The following SLCO3A1 variants were observed in gnomAD, a reference collection of about 807,000 sequenced individuals.
The protein encoded by SLCO3A1 is PGE1 transporter.
A neutral mutation model predicts 63.1 loss-of-function variants in SLCO3A1; 27 were observed. The observed-to-expected ratio is 0.43, with a 90% CI of 0.32 to 0.59. The LOEUF (loss-of-function observed/expected upper bound fraction) is 0.59. SLCO3A1 is among the 20% of genes least tolerant of loss of function. The pLI, the probability that SLCO3A1 is intolerant of heterozygous loss-of-function variation, is 0.09. For missense variants in SLCO3A1, 773 were observed against 945.8 expected, an observed-to-expected ratio of 0.82 and a Z score of 2.40; for synonymous variants, 473 against 409.9, an observed-to-expected ratio of 1.15 and a Z score of -1.86.
intron 2 of SLCO3A1, among the ~76,000 whole-genome samples, chr15:91,961,937 C>T (rs1359701035): frequency 1.3e-5 from 2 of 152,186 alleles, no homozygotes; most frequent in East Asian, 3.8e-4. Flanking sequence ...AACCCTGGGA[C>T]AGAGGTATTA....
chr15:92,128,310 G>T, intron 6 of SLCO3A1, 41 bp from the exon 7 acceptor site: 2 of 1,613,004 alleles, frequency 1.2e-6, no homozygotes, highest in South Asian at 2.2e-5. Flanking sequence ...ATTCCGAATT[G>T]ACCTGTTTCT....
At chr15:92,110,263 T>C (rs2047713043) in intron 4 of SLCO3A1, among the ~76,000 whole-genome samples, 1 of 152,174 alleles carries the variant, frequency 6.6e-6, no homozygotes, top group African/African-American at 2.4e-5. Context: ...CTGCCCTTGA[T>C]CTCTGTTGAT....
chr15:91,910,479 C>G (rs1296942987), intron 1 of SLCO3A1, among the ~76,000 whole-genome samples: 1 of 152,228 alleles, frequency 6.6e-6, no homozygotes, highest in Non-Finnish European at 1.5e-5. Context: ...AGTGAAGTCA[C>G]AGAGCATGCA....
chr15:91,896,212 C>T (rs1019839776), intron 1 of SLCO3A1, among the ~76,000 whole-genome samples: 1 of 152,164 alleles, frequency 6.6e-6, no homozygotes, highest in Non-Finnish European at 1.5e-5. Context: ...GGAAGAAATG[C>T]TCCCGGCATA....
chr15:91,893,280 G>A (rs1897917372), intron 1 of SLCO3A1, among the ~76,000 whole-genome samples: 1 of 152,320 alleles, frequency 6.6e-6, no homozygotes, highest in Middle Eastern at 3.4e-3. Context: ...GTTCCAGTGG[G>A]CTCAGAGGTT....
rs2048481368 is a variant in SLCO3A1 at position 92,164,967 on chromosome 15, G to GA, written c.*1832_*1833insA. The GA allele has an allele frequency of 1.0e-5, 10 of 984,878 alleles. No individual in the cohort carries two copies. Among genetic ancestry groups the GA allele is most frequent in the Non-Finnish European group, 1.1e-5 (9 of 829,806 alleles). 61.0% of individuals were successfully genotyped at this position (984,878 alleles called of 1,614,324 possible). A position where few individuals can be genotyped will look rare whatever the true frequency, so the allele number is the denominator to read the frequency against. On this transcript the variant is annotated 3_prime_UTR_variant, in exon 10 of 10. Coordinates refer to ENST00000318445, the MANE Select transcript of SLCO3A1 (RefSeq NM_013272.4). ...CTGGCGCTGGAAAAAAAACTCAAAG[G>GA]TTGATTGGTTTGCTTTTTCACCTTG...
chr15:92,061,332 G>A (rs1335511336), intron 2 of SLCO3A1, among the ~76,000 whole-genome samples: 1 of 152,178 alleles, frequency 6.6e-6, no homozygotes, highest in South Asian at 2.1e-4. Flanking sequence ...GGACAGAAAT[G>A]AATGTGGACA....
intron 2 of SLCO3A1, among the ~76,000 whole-genome samples, chr15:92,038,398 C>T (rs1343176514): frequency 6.6e-6 from 1 of 151,972 alleles, no homozygotes; most frequent in African/African-American, 2.4e-5. Flanking sequence ...AGGACACATG[C>T]AAAAGTCTCA....
chr15:91,919,776 G>A (rs1597120717), intron 2 of SLCO3A1, among the ~76,000 whole-genome samples: 1 of 151,870 alleles, frequency 6.6e-6, no homozygotes. Flanking sequence ...TTTCAAGGAG[G>A]AAAAGGTGAA....
intron 4 of SLCO3A1, among the ~76,000 whole-genome samples, chr15:92,119,146 C>T (rs1480924264): frequency 1.3e-5 from 2 of 152,210 alleles, no homozygotes; most frequent in South Asian, 2.1e-4. Flanking sequence ...TGCCAGGATA[C>T]GTCATACCAT....
intron 2 of SLCO3A1, among the ~76,000 whole-genome samples, chr15:92,015,666 A>G (rs1399251578): frequency 6.6e-6 from 1 of 152,124 alleles, no homozygotes; most frequent in Non-Finnish European, 1.5e-5. Context: ...GCCAGAACCT[A>G]GAGTTTACAC....
intron 2 of SLCO3A1, among the ~76,000 whole-genome samples, chr15:92,044,358 C>T (rs2151490036): frequency 1.3e-5 from 2 of 152,260 alleles, no homozygotes; most frequent in Middle Eastern, 3.4e-3. Flanking sequence ...TCAGACAGGC[C>T]CCAACTGCAG....
intron 9 of SLCO3A1, among the ~76,000 whole-genome samples, chr15:92,151,510 G>T (rs767966891): frequency 6.6e-6 from 1 of 152,250 alleles, no homozygotes; most frequent in African/African-American, 2.4e-5. Flanking sequence ...TAGGGCCCAC[G>T]TTTCCAGATT....
chr15:92,140,890 A>G (rs1275899223), intron 7 of SLCO3A1, among the ~76,000 whole-genome samples: 1 of 152,134 alleles, frequency 6.6e-6, no homozygotes, highest in Non-Finnish European at 1.5e-5. Flanking sequence ...ATCTTTAACC[A>G]GTCTCTTATC....
At position 91,875,408 on chromosome 15, in the gene SLCO3A1, A is replaced by G. The variant is rs184314267; in HGVS notation, c.180+21320A>G. 1.3e-5 allele frequency among the ~76,000 whole-genome samples: 2 copies of G among 152,250 alleles called. No homozygotes were observed. Among genetic ancestry groups the G allele is most frequent in the East Asian group, 3.9e-4 (2 of 5,174 alleles). ...TGCCTTTCCAGTTTACTCTCTCCAC[A>G]GGGTAAAAACTGGACTCTGGAGCAA... On this transcript the variant is annotated intron_variant, in intron 1 of 9. Transcript: ENST00000318445. The surrounding 1 kb of genome is among the most constrained non-coding windows in gnomAD (Gnocchi z 4.5).
intron 2 of SLCO3A1, among the ~76,000 whole-genome samples, chr15:91,979,756 A>G (rs1033143838): frequency 3.3e-5 from 5 of 152,232 alleles, no homozygotes; most frequent in Non-Finnish European, 4.4e-5. Flanking sequence ...ACTCTTCGGT[A>G]TACAATGCAT....
chr15:91,935,035 C>G (rs1466944722), intron 2 of SLCO3A1, among the ~76,000 whole-genome samples: 1 of 152,166 alleles, frequency 6.6e-6, no homozygotes, highest in Non-Finnish European at 1.5e-5. Flanking sequence ...CTCACTGCAA[C>G]CTCCGCCTCC....
rs556004133 is a variant in SLCO3A1 at position 91,900,279 on chromosome 15, G to A, written c.181-15714G>A. Among the ~76,000 whole-genome samples the A allele has an allele frequency of 3.3e-5, 5 of 152,308 alleles. No individual in the cohort carries two copies. Among genetic ancestry groups the A allele is most frequent in the Non-Finnish European group, 7.3e-5 (5 of 68,030 alleles). On this transcript the variant is annotated intron_variant, in intron 1 of 9. Coordinates refer to ENST00000318445, the MANE Select transcript of SLCO3A1 (RefSeq NM_013272.4). This position sits in a 1 kb window ranked among gnomAD's most constrained non-coding sequence, Gnocchi z 4.3. ...TTATGTTCCCACTAGCAGTATCTGA[G>A]TGTTCCAGTTTCCTCAGATGGACGT...
At chr15:92,099,188 G>A (rs1321694744) in intron 3 of SLCO3A1, among the ~76,000 whole-genome samples, 1 of 152,208 alleles carries the variant, frequency 6.6e-6, no homozygotes, top group African/African-American at 2.4e-5. Flanking sequence ...GTGGCCATCT[G>A]TTTGCTTCAC....
Sources: gnomAD v4.1 joint callset for allele counts (sites outside exome capture counted in the v4.1 genomes callset) on GRCh38, gnomAD v4.1.1 for gene constraint, Gnocchi (gnomAD v3.1) non-coding constraint, MANE v1.5 for transcripts, NCBI Gene and HGNC (gene_info 2026-07-23, HGNC 2026-07-21) for gene names.